The following BLMH variants were observed in gnomAD, a reference collection of about 807,000 sequenced individuals.
The protein encoded by BLMH is bleomycin hydrolase.
BLMH carries 32 observed loss-of-function variants against 61.6 expected under a neutral mutation model. The observed-to-expected ratio is 0.52, with a 90% CI of 0.39 to 0.70. The LOEUF is 0.70. Ranked by LOEUF, BLMH falls within the 30% of genes least tolerant of loss-of-function variation. BLMH has a pLI of 0.00. For missense variants in BLMH, 460 were observed against 555.5 expected (o/e 0.83, Z 1.73); for synonymous variants, 183 against 193.8 (o/e 0.94, Z 0.46).
intron 11 of BLMH, among the ~76,000 whole-genome samples, chr17:30,260,450 C>G (rs1269031598): frequency 1.3e-5 from 2 of 152,184 alleles, no homozygotes; most frequent in Non-Finnish European, 1.5e-5. Context: ...AATGATAGCC[C>G]TCTCTTAGTC....
chr17:30,278,153 T>C (rs80253764), intron 6 of BLMH, among the ~76,000 whole-genome samples: 197 of 152,278 alleles, frequency 1.3e-3, no homozygotes, highest in African/African-American at 4.5e-3. Context: ...TCTCTGATAC[T>C]ATATTTTCTT....
intron 10 of BLMH, 41 bp from the exon 11 acceptor site, chr17:30,266,995 T>C (rs937023673): frequency 2.5e-6 from 4 of 1,583,418 alleles, no homozygotes; most frequent in East Asian, 4.5e-5. Flanking sequence ...TGAAGCCAGA[T>C]TCTCCCTGCT....
chr17:30,275,683 C>CT (rs1199701492), intron 6 of BLMH, among the ~76,000 whole-genome samples: 2 of 150,390 alleles, frequency 1.3e-5, no homozygotes, highest in African/African-American at 4.9e-5. Context: ...GAGACTCCAT[C>CT]TCAAAAAAAA....
At chr17:30,254,588 G>A (rs1159797898) in intron 11 of BLMH, among the ~76,000 whole-genome samples, 1 of 151,910 alleles carries the variant, frequency 6.6e-6, no homozygotes, top group Non-Finnish European at 1.5e-5. Flanking sequence ...AAATATAGAT[G>A]CACATGAAAA....
chr17:30,261,028 G>T (rs1011000250), intron 11 of BLMH, among the ~76,000 whole-genome samples: 2 of 152,164 alleles, frequency 1.3e-5, no homozygotes, highest in African/African-American at 4.8e-5. Flanking sequence ...CCCTTTCTCG[G>T]AAATCAGAAA....
chr17:30,287,923 T>G lies in BLMH; in HGVS notation c.346A>C (p.Ser116Arg), dbSNP rs371722422. 6 of 1,613,574 alleles carry G rather than the reference T, an allele frequency of 3.7e-6. No homozygotes were observed. The African/African-American group carries it at 5.3e-5, about 14-fold the overall frequency. ...CTCTGGGCTGTGTCCACAAAAGCACTCAAGAAGAAATAACAGCGTTCAACC... is the reference window on the plus strand; with the variant it reads ...CTCTGGGCTGTGTCCACAAAAGCACGCAAGAAGAAATAACAGCGTTCAACC... Reference protein sequence around the residue: ...DKVERCYFFLSAFVDTAQRKE... With the variant: ...DKVERCYFFLRAFVDTAQRKE... The change falls in exon 4 of 12, where the codon AGT becomes CGT. Residue 116 changes from serine to arginine, a missense_variant. Physicochemically the swap from Ser to Arg is moderately radical, Grantham distance 110 (BLOSUM62 -1). Around this residue, in one of 5 missense-constraint regions of BLMH, gnomAD observed 43 missense variants for 38.8 expected, o/e 1.11. Coordinates refer to ENST00000261714, the MANE Select transcript of BLMH (RefSeq NM_000386.4).
intron 11 of BLMH, among the ~76,000 whole-genome samples, chr17:30,262,364 A>G (rs778897094): frequency 2.0e-5 from 3 of 152,252 alleles, no homozygotes; most frequent in Non-Finnish European, 4.4e-5. Flanking sequence ...TAATTTATTG[A>G]CTATCAAATA....
At chr17:30,270,501 CA>C (rs5819891) in intron 10 of BLMH, among the ~76,000 whole-genome samples, 1,560 of 72,108 alleles carry the variant, frequency 0.022, 12 homozygotes, top group African/African-American at 0.042. Flanking sequence ...GACTCCATCT[CA>C]AAAAAAAAAA....
intron 11 of BLMH, among the ~76,000 whole-genome samples, chr17:30,257,442 T>C (rs1487135444): frequency 6.6e-6 from 1 of 152,052 alleles, no homozygotes; most frequent in African/African-American, 2.4e-5. Flanking sequence ...TATGTGTATG[T>C]TTGTACTAAA....
intron 11 of BLMH, among the ~76,000 whole-genome samples, chr17:30,252,788 A>G (rs933310582): frequency 1.3e-5 from 2 of 151,964 alleles, no homozygotes; most frequent in Non-Finnish European, 2.9e-5. Flanking sequence ...TAGACGAGAG[A>G]CGGAAGGACA....
intron 6 of BLMH, among the ~76,000 whole-genome samples, chr17:30,277,976 ATTGT>A (rs140314531): frequency 0.03 from 4,558 of 152,242 alleles, 221 homozygotes; most frequent in African/African-American, 0.1. Context: ...GACATGTTGC[ATTGT>A]TTTATACTAT....
chr17:30,249,940 A>G (rs1907627869), intron 11 of BLMH: 1 of 152,248 alleles, frequency 6.6e-6, no homozygotes, highest in Non-Finnish European at 1.5e-5. Flanking sequence ...GCTGAGAGAA[A>G]AAGTGTGGTG....
rs368128201 is a variant in BLMH, at chr17:30,291,833, C to T, written c.-14G>A. Reference sequence around the variant, plus strand: ...CGAGCTGCTCATGGCGCCCACGCTGCCCGGCGGGGTAACGGTAGCTTCCAG... The same window carrying T: ...CGAGCTGCTCATGGCGCCCACGCTGTCCGGCGGGGTAACGGTAGCTTCCAG... On this transcript the variant is annotated 5_prime_UTR_variant, in exon 1 of 12. Coordinates refer to ENST00000261714, the MANE Select transcript of BLMH (RefSeq NM_000386.4). The T allele has an allele frequency of 1.0e-4, 138 of 1,340,388 alleles. 1 individual carries two copies. In the African/African-American group the frequency reaches 1.9e-3, roughly 18 times the overall value. The allele number at this position is 1,340,388 out of a possible 1,614,324, so 83.0% of individuals were successfully genotyped here.
rs550158059 is a variant in BLMH, at chr17:30,280,331, T to C, written c.645+5057A>G. Reference sequence around the variant, plus strand: ...AGAAGATTTCAGTGCTTGAAACCACTGCAGAAGAGACAGAATCTTAGTCTT... The same window carrying C: ...AGAAGATTTCAGTGCTTGAAACCACCGCAGAAGAGACAGAATCTTAGTCTT... On this transcript the variant is annotated intron_variant, in intron 6 of 11. Coordinates refer to ENST00000261714, the MANE Select transcript of BLMH (RefSeq NM_000386.4). Among the ~76,000 whole-genome samples, 6 of 152,328 alleles carry C rather than the reference T, an allele frequency of 3.9e-5. No individual in the cohort carries two copies. In the South Asian group the frequency reaches 1.2e-3, roughly 32 times the overall value.
chr17:30,264,333 G>A (rs1052703971), intron 11 of BLMH, among the ~76,000 whole-genome samples: 2 of 152,080 alleles, frequency 1.3e-5, no homozygotes, highest in African/African-American at 4.8e-5. Flanking sequence ...TCACTAAGAA[G>A]GATTACAGGA....
intron 6 of BLMH, among the ~76,000 whole-genome samples, chr17:30,284,754 AACATCCCTT>A (rs1908682769): frequency 6.6e-6 from 1 of 152,244 alleles, no homozygotes; most frequent in Non-Finnish European, 1.5e-5. Context: ...GCATCGATCC[AACATCCCTT>A]ACATCTCTGC....
intron 11 of BLMH, among the ~76,000 whole-genome samples, chr17:30,265,953 T>C (rs1908092436): frequency 1.3e-5 from 2 of 152,232 alleles, no homozygotes; most frequent in Non-Finnish European, 2.9e-5. Context: ...CTCTAGGTGG[T>C]TGGATTATTA....
At chr17:30,263,790 C>G (rs931272030) in intron 11 of BLMH, among the ~76,000 whole-genome samples, 12 of 152,220 alleles carry the variant, frequency 7.9e-5, no homozygotes, top group African/African-American at 2.9e-4. Context: ...GGTATCTTTG[C>G]TCTGTTTATC....
rs1394733344 is a variant in BLMH at position 30,260,197 on chromosome 17, A to ATT, written c.1216+6687_1216+6688insAA. 7.2e-5 allele frequency among the ~76,000 whole-genome samples: 11 copies of ATT among 152,302 alleles called. No homozygotes were observed. In the East Asian group the frequency reaches 1.9e-3, roughly 27 times the overall value. ...GCCAATGACCACTGTTACACAGCCA[A>ATT]TAGATGGGTTAGCCAGGATGCATAC... On this transcript the variant is annotated intron_variant, in intron 11 of 11. Transcript: ENST00000261714.
Sources: allele counts gnomAD v4.1 joint callset (sites outside exome capture counted in the v4.1 genomes callset), GRCh38; gene constraint gnomAD v4.1.1; regional missense constraint gnomAD v4.1.1; transcripts MANE v1.5; gene names NCBI Gene and HGNC (gene_info 2026-07-23, HGNC 2026-07-21).